TCN2: variants seen among roughly 807,000 people sequenced by gnomAD.
TCN2 encodes the protein transcobalamin 2.
A neutral mutation model predicts 48.6 loss-of-function variants in TCN2; 34 were observed. That is an observed-to-expected ratio of 0.70 (90% CI 0.53 to 0.93). The LOEUF (loss-of-function observed/expected upper bound fraction) is 0.93. Ranked by LOEUF, TCN2 falls within the 40% of genes least tolerant of loss-of-function variation. The pLI is 0.00. For missense variants in TCN2, 652 were observed against 526.1 expected, an observed-to-expected ratio of 1.24 and a Z score of -2.34; for synonymous variants, 283 against 212.5, an observed-to-expected ratio of 1.33 and a Z score of -2.89.
At chr22:30,624,396 A>G (rs2087772357) in intron 8 of TCN2, among the ~76,000 whole-genome samples, 1 of 152,014 alleles carries the variant, frequency 6.6e-6, no homozygotes, top group Non-Finnish European at 1.5e-5. Context: ...CTTAAAAGTC[A>G]TCTGTTCCTA....
At chr22:30,613,087 C>T in intron 3 of TCN2, 45 bp downstream of exon 3, 1 of 1,605,782 alleles carries the variant, frequency 6.2e-7, no homozygotes, top group African/African-American at 1.3e-5. Flanking sequence ...GCTGGGAGGG[C>T]TCATCAGATG....
chr22:30,608,778 G>T (rs545870989), intron 1 of TCN2, among the ~76,000 whole-genome samples: 1 of 152,154 alleles, frequency 6.6e-6, no homozygotes, highest in African/African-American at 2.4e-5. Context: ...GTTCATGTCC[G>T]GACAGTCCCC....
chr22:30,609,011 C>T (rs1401678201), intron 1 of TCN2, among the ~76,000 whole-genome samples: 8 of 152,276 alleles, frequency 5.3e-5, no homozygotes, highest in African/African-American at 2.4e-5. Flanking sequence ...GCTCCCCTGC[C>T]TTCCTCCTCG....
intron 7 of TCN2, among the ~76,000 whole-genome samples, chr22:30,618,689 G>A (rs1419821790): frequency 2.0e-5 from 3 of 152,028 alleles, no homozygotes; most frequent in Non-Finnish European, 4.4e-5. Context: ...TGTTATCCAG[G>A]CTGAAGTGCA....
intron 7 of TCN2, among the ~76,000 whole-genome samples, chr22:30,619,165 C>A (rs1180048287): frequency 6.6e-6 from 1 of 152,244 alleles, no homozygotes; most frequent in African/African-American, 2.4e-5. Flanking sequence ...TAGCCTCAAT[C>A]TTCCGGGCTC....
chr22:30,616,300 A>G (rs1275611431), intron 6 of TCN2, among the ~76,000 whole-genome samples: 2 of 152,052 alleles, frequency 1.3e-5, no homozygotes, highest in Non-Finnish European at 2.9e-5. Context: ...CCTGGCTAAC[A>G]TGGCGAAACT....
chr22:30,623,328 A>C, intron 8 of TCN2: 24 of 492,640 alleles, frequency 4.9e-5, no homozygotes, highest in East Asian at 7.2e-5. Flanking sequence ...GAAAATTAAC[A>C]TCACCTAGGA....
chr22:30,626,378 A>G, intron 8 of TCN2, 82 bp from the exon 9 acceptor site: 1 of 1,450,308 alleles, frequency 6.9e-7, no homozygotes, highest in Non-Finnish European at 9.7e-7. Context: ...CTCTAGCCTC[A>G]GGGTGGGGGG....
chr22:30,623,162 G>C (rs1262201063), intron 8 of TCN2, 79 bp downstream of exon 8: 2 of 1,398,090 alleles, frequency 1.4e-6, no homozygotes, highest in Non-Finnish European at 2.0e-6. Flanking sequence ...ACTCACCCCA[G>C]CTTTCCCTAG....
At chr22:30,616,858 CAG>C (rs1255144610) in intron 6 of TCN2, among the ~76,000 whole-genome samples, 3 of 152,132 alleles carry the variant, frequency 2.0e-5, no homozygotes, top group Admixed American at 6.5e-5. Flanking sequence ...AACAAAGACA[CAG>C]AGGTGCACAG....
rs775433848 is a variant in TCN2, at chr22:30,612,973, A to G, written c.358A>G (p.Arg120Gly). The G allele has an allele frequency of 6.2e-6, 10 of 1,614,194 alleles. No homozygotes were observed. The highest frequency in any genetic ancestry group is 5.5e-5 in the South Asian group (5 of 91,084). ...LALRANCEFV[R>G]GHKGDRLVSQ... ...TCTCAGAGCCAACTGTGAGTTTGTC[A>G]GGGGCCACAAGGGGGACAGGCTGGT... The change falls in exon 3 of 9, where the codon AGG (arginine) becomes GGG (glycine). Residue 120 changes from arginine (R) to glycine (G), a missense_variant. Coordinates refer to ENST00000215838, the MANE Select transcript of TCN2 (RefSeq NM_000355.4).
At chr22:30,626,402 G>T (rs946585461) in intron 8 of TCN2, 58 bp from the exon 9 acceptor site, 3 of 1,575,848 alleles carry the variant, frequency 1.9e-6, no homozygotes, top group Non-Finnish European at 2.6e-6. Context: ...GGAAGATGAG[G>T]TTGCGGGGTG....
intron 6 of TCN2, among the ~76,000 whole-genome samples, chr22:30,616,020 AATGTTTGGATGG>A (rs2087608457): frequency 7.4e-6 from 1 of 135,762 alleles, no homozygotes. Flanking sequence ...CCAGTACAGA[AATGTTTGGATGG>A]ATGGATGGAT....
At chr22:30,610,449 T>C (rs1358618134) in intron 1 of TCN2, 1 of 374,538 alleles carries the variant, frequency 2.7e-6, no homozygotes, top group African/African-American at 2.1e-5. Context: ...TCTGCAGCCT[T>C]GTGTAAGACA....
intron 7 of TCN2, among the ~76,000 whole-genome samples, chr22:30,619,014 T>C (rs2087657891): frequency 1.3e-5 from 2 of 150,268 alleles, no homozygotes; most frequent in Admixed American, 6.6e-5. Flanking sequence ...AAGTGATATG[T>C]CTGCCTCAGC....
rs1569041747 is a variant in TCN2, at chr22:30,615,751, ATTG to A, written c.905_907del (p.Ile302_Asp303delinsAsn). 6.2e-7 allele frequency: 1 copy of A among 1,614,160 alleles called. No individual in the cohort carries two copies. The highest frequency in any genetic ancestry group is 8.5e-7 in the Non-Finnish European group (1 of 1,180,022). On this transcript the variant is annotated inframe_deletion, in exon 6 of 9. Transcript: ENST00000215838. Reference sequence around the variant, plus strand: ...GCCCGTTCTGAACCACAAGACCTACATTGATCTGATCTTCCCAGACTGTCTGGC... The same window carrying A: ...GCCCGTTCTGAACCACAAGACCTACAATCTGATCTTCCCAGACTGTCTGGC...
In TCN2 at chr22:30,611,079, C is replaced by G. The variant is rs369577877; in HGVS notation, c.257+16C>G. 4.2e-5 allele frequency: 68 copies of G among 1,613,790 alleles called. No homozygotes were observed. The African/African-American group carries it at 7.6e-4, about 18-fold the overall frequency. ...GCCTCCTAGGGTATTGCCACACTCT[C>G]TTTTTCCATGTCTTGCTCCACATAC... On this transcript the variant is annotated intron_variant, in intron 2 of 8. Coordinates refer to ENST00000215838, the MANE Select transcript of TCN2 (RefSeq NM_000355.4).
At chr22:30,607,455 G>A (rs1439436097) in intron 1 of TCN2, 60 bp downstream of exon 1, 2 of 1,598,810 alleles carry the variant, frequency 1.3e-6, no homozygotes. Context: ...GGGGTGGCTA[G>A]GGCATAGGAT....
chr22:30,623,771 C>T (rs796076671), intron 8 of TCN2, among the ~76,000 whole-genome samples: 4 of 42,866 alleles, frequency 9.3e-5, no homozygotes, highest in East Asian at 7.8e-4. Flanking sequence ...TATATATATA[C>T]ACACATATAT....
Sources: gnomAD v4.1 joint callset for allele counts (sites outside exome capture counted in the v4.1 genomes callset) on GRCh38, gnomAD v4.1.1 for gene constraint, MANE v1.5 for transcripts, NCBI Gene and HGNC (gene_info 2026-07-23, HGNC 2026-07-21) for gene names.